Variants in KCTD16 observed in about 807,000 individuals in gnomAD.
KCTD16 encodes potassium channel tetramerization domain containing 16.
A neutral mutation model predicts 33.2 loss-of-function variants in KCTD16; 13 were observed. The ratio of observed to expected loss-of-function variants is 0.39; its 90% CI spans 0.25 to 0.62. The LOEUF is 0.62. KCTD16 is among the 20% of genes least tolerant of loss of function. The pLI is 0.50. For missense variants in KCTD16, 441 were observed against 525.1 expected (o/e 0.84, Z 1.57); for synonymous variants, 197 against 195.3 (o/e 1.01, Z -0.07).
intron 3 of KCTD16, among the ~76,000 whole-genome samples, chr5:144,436,886 G>A (rs147076072): frequency 1.7e-4 from 26 of 152,122 alleles, no homozygotes; most frequent in African/African-American, 4.8e-4. Flanking sequence ...AGGCCCGGCC[G>A]AAGCAAAAGT....
At chr5:144,414,502 G>T (rs1296632413) in intron 3 of KCTD16, among the ~76,000 whole-genome samples, 1 of 152,138 alleles carries the variant, frequency 6.6e-6, no homozygotes, top group Non-Finnish European at 1.5e-5. Context: ...CTTAGTTCAG[G>T]CAGGGACAAT....
intron 3 of KCTD16, among the ~76,000 whole-genome samples, chr5:144,285,887 T>G (rs955588880): frequency 1.3e-5 from 2 of 151,692 alleles, no homozygotes; most frequent in African/African-American, 4.8e-5. Flanking sequence ...AATTCTAAGA[T>G]GCACAGAATT....
intron 3 of KCTD16, among the ~76,000 whole-genome samples, chr5:144,304,042 C>T (rs1225357553): frequency 6.6e-6 from 1 of 152,004 alleles, no homozygotes; most frequent in Admixed American, 6.6e-5. Flanking sequence ...TAAACTCCTC[C>T]CCTTCTTTAG....
chr5:144,312,787 C>G (rs143853690), intron 3 of KCTD16, among the ~76,000 whole-genome samples: 1 of 152,186 alleles, frequency 6.6e-6, no homozygotes, highest in East Asian at 1.9e-4. Flanking sequence ...CCCTTTCCCT[C>G]GCACTTCTCA....
At chr5:144,356,378 T>A (rs1751571839) in intron 3 of KCTD16, among the ~76,000 whole-genome samples, 1 of 152,146 alleles carries the variant, frequency 6.6e-6, no homozygotes, top group Non-Finnish European at 1.5e-5. Flanking sequence ...AAACCTTTAA[T>A]CTCCTTTGTA....
Position 144,271,224 on chromosome 5 carries a change from G to A in KCTD16, c.832+63678G>A, listed in dbSNP as rs191257621. ...GACAAAAATACTTCAAAGAAGTATAGACTAATATCCTTTATGAAAATTGAT... is the reference window on the plus strand; with the variant it reads ...GACAAAAATACTTCAAAGAAGTATAAACTAATATCCTTTATGAAAATTGAT... On this transcript the variant is annotated intron_variant, in intron 3 of 3. Transcript: ENST00000512467. 1.4e-4 allele frequency among the ~76,000 whole-genome samples: 21 copies of A among 152,078 alleles called. No homozygotes were observed. In the East Asian group the frequency reaches 4.1e-3, roughly 29 times the overall value.
At chr5:144,339,099 C>T (rs1752564830) in intron 3 of KCTD16, among the ~76,000 whole-genome samples, 1 of 152,174 alleles carries the variant, frequency 6.6e-6, no homozygotes, top group African/African-American at 2.4e-5. Flanking sequence ...CACGTTTGAT[C>T]AGCAGCATCA....
intron 3 of KCTD16, among the ~76,000 whole-genome samples, chr5:144,354,019 T>A (rs926783585): frequency 6.6e-6 from 1 of 152,176 alleles, no homozygotes. Context: ...ATGCATATTT[T>A]GATTATAAGG....
intron 3 of KCTD16, among the ~76,000 whole-genome samples, chr5:144,472,939 G>A (rs549039712): frequency 6.6e-6 from 1 of 152,190 alleles, no homozygotes; most frequent in Non-Finnish European, 1.5e-5. Flanking sequence ...TGCAAGATCT[G>A]TATTCAAATC....
intron 3 of KCTD16, among the ~76,000 whole-genome samples, chr5:144,472,885 C>A (rs1413519155): frequency 6.6e-6 from 1 of 152,296 alleles, no homozygotes; most frequent in South Asian, 2.1e-4. Context: ...ATTTTACTAA[C>A]AAGGATACTG....
At chr5:144,349,121 C>T (rs1047716488) in intron 3 of KCTD16, among the ~76,000 whole-genome samples, 2 of 152,240 alleles carry the variant, frequency 1.3e-5, no homozygotes, top group African/African-American at 4.8e-5. Flanking sequence ...GGTTGCAGAC[C>T]TTAAGAATAA....
intron 3 of KCTD16, among the ~76,000 whole-genome samples, chr5:144,333,013 A>G (rs1278209235): frequency 6.6e-6 from 1 of 152,152 alleles, no homozygotes; most frequent in Non-Finnish European, 1.5e-5. Context: ...ACATGCCACC[A>G]TGATTCAGTT....
Position 144,474,445 on chromosome 5 carries a change from G to T in KCTD16, c.*331G>T. On this transcript the variant is annotated 3_prime_UTR_variant, in exon 4 of 4. Coordinates refer to ENST00000512467, the MANE Select transcript of KCTD16 (RefSeq NM_020768.4). ...CTTGGGAGTCATTTATCCCAAACTG[G>T]GTTTTTTCTCTCATCCTTCTACCTC... 5.0e-6 allele frequency: 1 copy of T among 202,012 alleles called. No homozygotes were observed. The highest frequency in any genetic ancestry group is 1.0e-5 in the Non-Finnish European group (1 of 99,774). 12.5% of individuals were successfully genotyped at this position (202,012 alleles called of 1,614,324 possible). A position where few individuals can be genotyped will look rare whatever the true frequency, so the allele number is the denominator to read the frequency against.
chr5:144,446,806 A>G (rs533599744), intron 3 of KCTD16, among the ~76,000 whole-genome samples: 1 of 152,338 alleles, frequency 6.6e-6, no homozygotes, highest in South Asian at 2.1e-4. Context: ...ATATGAAAAA[A>G]AGCTCATCAT....
At chr5:144,419,477 C>A (rs1209256961) in intron 3 of KCTD16, among the ~76,000 whole-genome samples, 1 of 152,134 alleles carries the variant, frequency 6.6e-6, no homozygotes, top group African/African-American at 2.4e-5. Flanking sequence ...AATCATATTT[C>A]TCTGTGTATG....
intron 3 of KCTD16, among the ~76,000 whole-genome samples, chr5:144,271,261 C>T (rs1181089103): frequency 1.3e-5 from 2 of 151,940 alleles, no homozygotes; most frequent in African/African-American, 4.8e-5. Flanking sequence ...CAAAAATCCT[C>T]ACCAAAATAC....
intron 3 of KCTD16, among the ~76,000 whole-genome samples, chr5:144,300,792 T>A (rs1221484073): frequency 1.3e-5 from 2 of 152,130 alleles, no homozygotes; most frequent in Non-Finnish European, 2.9e-5. Context: ...AAGCACTAAA[T>A]GAGAGTTTGC....
intron 3 of KCTD16, among the ~76,000 whole-genome samples, chr5:144,244,247 T>C (rs910163678): frequency 2.6e-5 from 4 of 152,330 alleles, no homozygotes; most frequent in African/African-American, 9.6e-5. Context: ...AGAGATGGTT[T>C]GGTCAAATGA....
At position 144,467,378 on chromosome 5, in the gene KCTD16, C is replaced by A. The variant is rs1026997650; in HGVS notation, c.833-6282C>A. Among the ~76,000 whole-genome samples the A allele has an allele frequency of 7.9e-5, 12 of 152,132 alleles. No individual in the cohort carries two copies. In the South Asian group the frequency reaches 8.3e-4, roughly 11 times the overall value. Reference sequence around the variant, plus strand: ...TGTCTGTACACAGCAGGCTTCCTCCCCCATTCATTTATCATACAGATATTC... The same window carrying A: ...TGTCTGTACACAGCAGGCTTCCTCCACCATTCATTTATCATACAGATATTC... On this transcript the variant is annotated intron_variant, in intron 3 of 3. Coordinates refer to ENST00000512467, the MANE Select transcript of KCTD16 (RefSeq NM_020768.4).
Sources: gnomAD v4.1 joint callset for allele counts (sites outside exome capture counted in the v4.1 genomes callset) on GRCh38, gnomAD v4.1.1 for gene constraint, MANE v1.5 for transcripts, NCBI Gene and HGNC (gene_info 2026-07-23, HGNC 2026-07-21) for gene names.